The following PRPF8 variants were observed in gnomAD, a reference collection of about 807,000 sequenced individuals.
PRPF8 encodes pre-mRNA-processing-splicing factor 8.
Under a neutral mutation model 285.9 loss-of-function variants are expected in PRPF8, and 64 were observed. The observed-to-expected ratio is 0.22, with a 90% CI of 0.18 to 0.28. The LOEUF (loss-of-function observed/expected upper bound fraction) is 0.28. Among genes scored for constraint, PRPF8 ranks in the 10% least tolerant of loss-of-function variants. The probability of loss-of-function intolerance (pLI) is 1.00; values close to 1 mark genes in which losing one functional copy is unlikely to be tolerated. For missense variants in PRPF8, 1,426 were observed against 3,026.7 expected, an observed-to-expected ratio of 0.47 and a Z score of 12.41; for synonymous variants, 1,325 against 1,118.2, an observed-to-expected ratio of 1.18 and a Z score of -3.69.
At chr17:1,660,062 G>C in intron 30 of PRPF8, 61 bp from the exon 31 acceptor site, 1 of 1,563,672 alleles carries the variant, frequency 6.4e-7, no homozygotes, top group Non-Finnish European at 8.8e-7. Flanking sequence ...ATCAGAGTTT[G>C]TACAATAAGA....
At chr17:1,671,998 G>A (rs1039648169) in intron 24 of PRPF8, among the ~76,000 whole-genome samples, 2 of 152,032 alleles carry the variant, frequency 1.3e-5, no homozygotes, top group African/African-American at 4.8e-5. Flanking sequence ...CAGCCTAAGT[G>A]ACAGTGAGAC....
intron 24 of PRPF8, among the ~76,000 whole-genome samples, chr17:1,663,461 C>G (rs1366383367): frequency 2.0e-5 from 3 of 151,812 alleles, no homozygotes; most frequent in Admixed American, 6.6e-5. Context: ...ACCTGTAATC[C>G]CAGCACTCTG....
In PRPF8 at chr17:1,683,598, C is replaced by T. The variant is rs1224933919; in HGVS notation, c.204G>A (p.Lys68=). 1.2e-6 allele frequency: 2 copies of T among 1,614,076 alleles called. No homozygotes were observed. Among genetic ancestry groups the T allele is most frequent in the African/African-American group, 1.3e-5 (1 of 74,916 alleles). The part of the protein sequence containing the change: ...KEDMPPEHVR[K]IIRDHGDMTN... Reference sequence around the variant, plus strand: ...TCATGTCTCCATGGTCTCGAATGATCTTCCTGACATGTTCTGGGGGCATGT... The same window carrying T: ...TCATGTCTCCATGGTCTCGAATGATTTTCCTGACATGTTCTGGGGGCATGT... The change falls in exon 3 of 43, where the codon AAG becomes AAA. Residue 68 remains lysine (K), a synonymous_variant. Coordinates refer to ENST00000304992, the MANE Select transcript of PRPF8 (RefSeq NM_006445.4).
intron 3 of PRPF8, 59 bp from the exon 4 acceptor site, chr17:1,682,352 C>A: frequency 2.5e-6 from 4 of 1,573,528 alleles, no homozygotes; most frequent in Non-Finnish European, 3.5e-6. Flanking sequence ...GCTACCTGTC[C>A]CATGCAGAGA....
intron 2 of PRPF8, among the ~76,000 whole-genome samples, 183 bp downstream of exon 2, chr17:1,684,289 C>T (rs1205436722): frequency 1.3e-5 from 2 of 152,340 alleles, no homozygotes; most frequent in East Asian, 3.9e-4. Flanking sequence ...CACTACTGTA[C>T]CCCCGCTGGA....
chr17:1,672,973 A>G, intron 24 of PRPF8, 108 bp downstream of exon 24: 1 of 1,022,460 alleles, frequency 9.8e-7, no homozygotes, highest in South Asian at 1.3e-5. Flanking sequence ...CTGGCACACT[A>G]AGCAAAGAAG....
At chr17:1,677,284 CA>C in intron 14 of PRPF8, 112 bp from the exon 15 acceptor site, 1 of 1,158,536 alleles carries the variant, frequency 8.6e-7, no homozygotes, top group Non-Finnish European at 1.3e-6. Flanking sequence ...TAGGTATTAA[CA>C]AAGCGTCCCT....
At chr17:1,666,770 C>T (rs1912012425) in intron 24 of PRPF8, among the ~76,000 whole-genome samples, 1 of 152,002 alleles carries the variant, frequency 6.6e-6, no homozygotes, top group African/African-American at 2.4e-5. Flanking sequence ...AAATGGTATT[C>T]AGACAAGCAA....
chr17:1,672,449 T>C (rs1225108638), intron 24 of PRPF8, among the ~76,000 whole-genome samples: 6 of 152,146 alleles, frequency 3.9e-5, no homozygotes, highest in Non-Finnish European at 7.3e-5. Flanking sequence ...CCGGTTAATT[T>C]TTGTATTTTT....
chr17:1,664,587 G>C (rs937067962), intron 24 of PRPF8, among the ~76,000 whole-genome samples: 1 of 145,296 alleles, frequency 6.9e-6, no homozygotes, highest in Non-Finnish European at 1.5e-5. Flanking sequence ...CAGGAGGATC[G>C]CTTGCGCCCA....
In PRPF8 at chr17:1,673,880, A is replaced by C; in HGVS notation, c.3312T>G (p.Asp1104Glu). 1.2e-6 allele frequency: 2 copies of C among 1,613,480 alleles called. No homozygotes were observed. Among genetic ancestry groups the C allele is most frequent in the Non-Finnish European group, 1.7e-6 (2 of 1,180,014 alleles). Residue 1104 changes from aspartate (D) to glutamate (E), a missense_variant, in exon 22 of 43, where the codon GAT (aspartate) becomes GAG (glutamate). Coordinates refer to ENST00000304992, the MANE Select transcript of PRPF8 (RefSeq NM_006445.4). This position sits in a 1 kb window ranked among gnomAD's most constrained non-coding sequence, Gnocchi z 5.5. ...AACGTTGAATCAGGTCCCGAGCCTC[A>C]TCTGCTGTGAACCTACACCAGACCA... ...RIHIFFRFTADEARDLIQRYL... is the reference protein window; with the variant it reads ...RIHIFFRFTAEEARDLIQRYL...
chr17:1,684,514 G>A lies in PRPF8; in HGVS notation c.58C>T (p.Pro20Ser), dbSNP rs1913127593. ...TCCTCCGACATGTAGTCCGGTAGCG[G>A]GGCTAGAGGGCCAGGCACCGGGTTA... ...PGNPVPGPLA[P>S]LPDYMSEEKL... The change falls in exon 2 of 43, where the codon CCG (proline) becomes TCG (serine). Residue 20 changes from proline (P) to serine (S), a missense_variant. Physicochemically the swap from Pro to Ser is moderately conservative, Grantham distance 74. Around this residue, in one of 34 missense-constraint regions of PRPF8, gnomAD observed 72 missense variants for 80.0 expected, o/e 0.90. Coordinates refer to ENST00000304992, the MANE Select transcript of PRPF8 (RefSeq NM_006445.4). The A allele has an allele frequency of 1.2e-6, 2 of 1,612,524 alleles. No individual in the cohort carries two copies. Among genetic ancestry groups the A allele is most frequent in the Non-Finnish European group, 1.7e-6 (2 of 1,179,830 alleles).
rs781594036 is a variant in PRPF8 at position 1,675,274 on chromosome 17, G to A, written c.2938C>T (p.Arg980Cys). The change falls in exon 20 of 43, where the codon CGC (arginine) becomes TGC (cysteine). Residue 980 changes from arginine (R) to cysteine (C), a missense_variant. By Grantham distance (180) the Arg-to-Cys change is radical (BLOSUM62 -3). This residue lies in a region of PRPF8 where 37 missense variants were observed against 43.4 expected (regional missense o/e 0.85). Transcript: ENST00000304992. This position sits in a 1 kb window ranked among gnomAD's most constrained non-coding sequence, Gnocchi z 6.0. ...EGECNVMLES[R>C]FEKMYEKIDL... ...ATCTTCTCATACATCTTCTCAAAGC[G>A]GGATTCCAGCATGACATTGCACTCG... 5 of 1,614,066 alleles carry A rather than the reference G, an allele frequency of 3.1e-6. No individual in the cohort carries two copies. Among genetic ancestry groups the A allele is most frequent in the African/African-American group, 1.3e-5 (1 of 74,922 alleles).
chr17:1,673,574 A>C lies in PRPF8; in HGVS notation c.3447-7T>G, dbSNP rs183157212. 3.9e-5 allele frequency: 63 copies of C among 1,613,944 alleles called. No individual in the cohort carries two copies. The African/African-American group carries it at 7.3e-4, about 19-fold the overall frequency. On this transcript the variant is annotated splice_polypyrimidine_tract_variant and splice_region_variant and intron_variant, in intron 22 of 42. Coordinates refer to ENST00000304992, the MANE Select transcript of PRPF8 (RefSeq NM_006445.4). The surrounding 1 kb of genome is among the most constrained non-coding windows in gnomAD (Gnocchi z 5.5). Reference sequence around the variant, plus strand: ...CCAGAATACCGCCCGGCCTCTGCCCACAGAGAACACATGGTCACAGCAGTT... The same window carrying C: ...CCAGAATACCGCCCGGCCTCTGCCCCCAGAGAACACATGGTCACAGCAGTT...
Position 1,676,850 on chromosome 17 carries a change from C to CTT in PRPF8, c.2181+124_2181+125dup. 1 of 1,478,546 alleles carries CTT rather than the reference C, an allele frequency of 6.8e-7. No homozygotes were observed. 91.6% of individuals were successfully genotyped at this position (1,478,546 alleles called of 1,614,324 possible). On this transcript the variant is annotated intron_variant, in intron 15 of 42. Transcript: ENST00000304992. The surrounding 1 kb of genome is among the most constrained non-coding windows in gnomAD (Gnocchi z 6.3). ...GGCCAGCCTAAGCAACATGGTGCTT[C>CTT]TTTTCCCTGTCTAAAAGGGAAAAGA...
chr17:1,661,560 A>G lies in PRPF8; in HGVS notation c.4202+51T>C, dbSNP rs750536624. The G allele has an allele frequency of 6.2e-7, 1 of 1,611,462 alleles. No individual in the cohort carries two copies. Among genetic ancestry groups the G allele is most frequent in the Non-Finnish European group, 8.5e-7 (1 of 1,179,634 alleles). On this transcript the variant is annotated intron_variant, in intron 26 of 42. Coordinates refer to ENST00000304992, the MANE Select transcript of PRPF8 (RefSeq NM_006445.4). The surrounding 1 kb of genome is among the most constrained non-coding windows in gnomAD (Gnocchi z 7.3). ...TGACCCTGAACTCCACACGGTTCAA[A>G]GGCCACCACTGCCCCTGCCCCAGGG...
intron 6 of PRPF8, 134 bp from the exon 7 acceptor site, chr17:1,681,188 C>T: frequency 2.0e-6 from 2 of 1,012,792 alleles, no homozygotes; most frequent in South Asian, 2.7e-5. Context: ...AAACAATCCT[C>T]CCACAGCTCA....
intron 24 of PRPF8, among the ~76,000 whole-genome samples, chr17:1,666,756 G>A (rs1214421749): frequency 2.0e-5 from 3 of 152,070 alleles, no homozygotes; most frequent in Non-Finnish European, 4.4e-5. Flanking sequence ...AATCTGCCTT[G>A]AGCAAATGGT....
intron 21 of PRPF8, 121 bp from the exon 22 acceptor site, chr17:1,674,013 A>G (rs1238787696): frequency 1.9e-6 from 2 of 1,044,414 alleles, no homozygotes; most frequent in Non-Finnish European, 2.8e-6. Flanking sequence ...CCCGGGCTTC[A>G]TTCCATTTTA....
Sources: allele counts gnomAD v4.1 joint callset (sites outside exome capture counted in the v4.1 genomes callset), GRCh38; gene constraint gnomAD v4.1.1; regional missense constraint gnomAD v4.1.1; non-coding constraint Gnocchi (gnomAD v3.1); transcripts MANE v1.5; gene names NCBI Gene and HGNC (gene_info 2026-07-23, HGNC 2026-07-21).